The following CYP20A1 variants were observed in gnomAD, a reference collection of about 807,000 sequenced individuals.
CYP20A1 encodes cytochrome P450 family 20 subfamily A member 1.
CYP20A1 carries 61 observed loss-of-function variants against 61.4 expected under a neutral mutation model. The observed-to-expected ratio is 0.99, with a 90% CI of 0.81 to 1.23. CYP20A1 has a LOEUF of 1.23. Among genes scored for constraint, CYP20A1 ranks in the 50% most tolerant of loss-of-function variants. The pLI is 0.00. For synonymous variants in CYP20A1, 193 were observed against 188.2 expected (o/e 1.03, Z -0.21); for missense variants, 530 against 542.4 (o/e 0.98, Z 0.23).
At chr2:203,268,008 A>G (rs2067401680) in intron 5 of CYP20A1, among the ~76,000 whole-genome samples, 2 of 152,158 alleles carry the variant, frequency 1.3e-5, no homozygotes, top group Admixed American at 6.5e-5. Flanking sequence ...AGTTAATACA[A>G]GGAACTCCCT....
In CYP20A1 at chr2:203,299,501, G is replaced by C. The variant is rs747129425; in HGVS notation, c.*2593G>C. Among the ~76,000 whole-genome samples the C allele has an allele frequency of 2.0e-5, 3 of 151,878 alleles. No individual in the cohort carries two copies. Among genetic ancestry groups the C allele is most frequent in the African/African-American group, 4.8e-5 (2 of 41,316 alleles). On this transcript the variant is annotated 3_prime_UTR_variant, in exon 13 of 13. Transcript: ENST00000356079. The stretch of plus-strand genomic sequence containing the variant: ...GTAAATACCTAACATTTTAGACCTA[G>C]TCATTACCAGTTAACATAGAATTTA...
At chr2:203,246,703 TCA>T in intron 2 of CYP20A1, 50 bp from the exon 3 acceptor site, 1 of 1,565,168 alleles carries the variant, frequency 6.4e-7, no homozygotes, top group South Asian at 1.2e-5. Flanking sequence ...GTTGTTTTTC[TCA>T]TTTTTCCAAA....
chr2:203,296,930 T>C lies in CYP20A1; in HGVS notation c.*22T>C, dbSNP rs755203908. Reference sequence around the variant, plus strand: ...TTAAAATTTTATACATTTAAAATCATTGTTAAATTGATTGAGGAAAACAAC... The same window carrying C: ...TTAAAATTTTATACATTTAAAATCACTGTTAAATTGATTGAGGAAAACAAC... On this transcript the variant is annotated 3_prime_UTR_variant, in exon 13 of 13. Transcript: ENST00000356079. 2 of 1,355,202 alleles carry C rather than the reference T, an allele frequency of 1.5e-6. No homozygotes were observed. Among genetic ancestry groups the C allele is most frequent in the South Asian group, 1.3e-5 (1 of 74,514 alleles). 83.9% of individuals were successfully genotyped at this position (1,355,202 alleles called of 1,614,324 possible). A position where few individuals can be genotyped will look rare whatever the true frequency, so the allele number is the denominator to read the frequency against.
In CYP20A1 at chr2:203,292,252, T is replaced by G; in HGVS notation, c.1084-10T>G. The G allele has an allele frequency of 1.2e-6, 2 of 1,606,964 alleles. No individual in the cohort carries two copies. Among genetic ancestry groups the G allele is most frequent in the Non-Finnish European group, 1.7e-6 (2 of 1,176,296 alleles). On this transcript the variant is annotated splice_polypyrimidine_tract_variant and intron_variant, in intron 10 of 12. Coordinates refer to ENST00000356079, the MANE Select transcript of CYP20A1 (RefSeq NM_177538.3). ...TAGTCCTTGACTAATTGGATTTTTT[T>G]TTTTCACAGACCCTCGTCCTTTATG...
intron 8 of CYP20A1, among the ~76,000 whole-genome samples, chr2:203,282,322 G>T (rs2068076863): frequency 6.6e-6 from 1 of 151,978 alleles, no homozygotes; most frequent in African/African-American, 2.4e-5. Context: ...ACCACGTCCT[G>T]CCTTATTCAA....
At chr2:203,269,525 G>A (rs187776174) in intron 5 of CYP20A1, among the ~76,000 whole-genome samples, 13 of 140,612 alleles carry the variant, frequency 9.2e-5, no homozygotes, top group East Asian at 2.1e-4. Flanking sequence ...ACGGAGTTTC[G>A]CTCTTATCGC....
intron 8 of CYP20A1, 61 bp from the exon 9 acceptor site, chr2:203,285,551 A>G: frequency 6.9e-7 from 1 of 1,438,934 alleles, no homozygotes; most frequent in Non-Finnish European, 9.1e-7. Context: ...TTTTTTTCTT[A>G]TTCTATACCC....
intron 3 of CYP20A1, 49 bp downstream of exon 3, chr2:203,246,970 G>C (rs2066482314): frequency 6.3e-7 from 1 of 1,583,514 alleles, no homozygotes; most frequent in Non-Finnish European, 8.6e-7. Flanking sequence ...TTTTAAGAAT[G>C]AATGTTTAGG....
At chr2:203,262,412 C>T (rs2067169799) in intron 4 of CYP20A1, among the ~76,000 whole-genome samples, 1 of 152,118 alleles carries the variant, frequency 6.6e-6, no homozygotes, top group Non-Finnish European at 1.5e-5. Flanking sequence ...CGGGGCAATA[C>T]ATTTGTAACT....
intron 4 of CYP20A1, among the ~76,000 whole-genome samples, chr2:203,260,978 C>G (rs899156950): frequency 1.3e-5 from 2 of 150,758 alleles, no homozygotes; most frequent in Admixed American, 1.3e-4. Flanking sequence ...TTCTTTTTTT[C>G]TCTTTTTTCT....
rs995208188 is a variant in CYP20A1, at chr2:203,300,271, T to C, written c.*3363T>C. On this transcript the variant is annotated 3_prime_UTR_variant, in exon 13 of 13. Transcript: ENST00000356079. ...CCATAGTTACATGACTAACAAATGA[T>C]TAAAAAGAAGTTATTCTCTAGATAA... 4.6e-5 allele frequency among the ~76,000 whole-genome samples: 7 copies of C among 152,168 alleles called. No individual in the cohort carries two copies. The highest frequency in any genetic ancestry group is 4.6e-4 in the Admixed American group (7 of 15,274).
chr2:203,269,416 A>G (rs2067468243), intron 5 of CYP20A1, among the ~76,000 whole-genome samples: 1 of 151,464 alleles, frequency 6.6e-6, no homozygotes, highest in African/African-American at 2.4e-5. Context: ...TGGATGATAG[A>G]GTGAGACCCT....
chr2:203,289,780 G>A lies in CYP20A1; in HGVS notation c.987G>A (p.Val329=), dbSNP rs754309321. The change falls in exon 10 of 13, where the codon GTG becomes GTA. Residue 329 remains valine, a synonymous_variant. Transcript: ENST00000356079. The part of the protein sequence containing the change: ...KIEQLRYCQH[V]LCETVRTAKL... ...TTTAAAACAGATATTGTCAGCATGT[G>A]CTTTGTGAAACTGTTCGAACTGCCA... 5.1e-6 allele frequency: 8 copies of A among 1,563,148 alleles called. No homozygotes were observed. The South Asian group carries it at 9.8e-5, about 19-fold the overall frequency.
At chr2:203,256,554 T>A (rs2066900348) in intron 4 of CYP20A1, among the ~76,000 whole-genome samples, 1 of 151,994 alleles carries the variant, frequency 6.6e-6, no homozygotes, top group Non-Finnish European at 1.5e-5. Context: ...AGGCAGGGTT[T>A]CGCCATGTTA....
chr2:203,300,590 G>A lies in CYP20A1; in HGVS notation c.*3682G>A, dbSNP rs2068979340. Among the ~76,000 whole-genome samples, 1 of 152,072 alleles carries A rather than the reference G, an allele frequency of 6.6e-6. No homozygotes were observed. Among genetic ancestry groups the A allele is most frequent in the South Asian group, 2.1e-4 (1 of 4,826 alleles). On this transcript the variant is annotated 3_prime_UTR_variant, in exon 13 of 13. Transcript: ENST00000356079. ...CTTTTTGATAGTTCAGAAGTGTATT[G>A]TTAAAAAACATAAGCATGGCCGGGC... is the stretch of plus-strand genomic sequence containing the variant.
chr2:203,255,789 T>C (rs1357413890), intron 4 of CYP20A1, among the ~76,000 whole-genome samples: 1 of 152,192 alleles, frequency 6.6e-6, no homozygotes, highest in Admixed American at 6.5e-5. Context: ...AGATGTACCC[T>C]GTTCCCTCCT....
chr2:203,264,117 G>A (rs2067241008), intron 4 of CYP20A1, among the ~76,000 whole-genome samples: 1 of 151,990 alleles, frequency 6.6e-6, no homozygotes, highest in Non-Finnish European at 1.5e-5. Context: ...ATCCTCCCAA[G>A]TAGCTGGTAC....
chr2:203,295,336 A>G (rs886113074), intron 11 of CYP20A1, among the ~76,000 whole-genome samples: 1 of 152,044 alleles, frequency 6.6e-6, no homozygotes, highest in African/African-American at 2.4e-5. Context: ...TGGCGTCACA[A>G]AGTGCTAGGA....
At chr2:203,291,593 G>C (rs1161070345) in intron 10 of CYP20A1, among the ~76,000 whole-genome samples, 6 of 150,886 alleles carry the variant, frequency 4.0e-5, no homozygotes, top group Non-Finnish European at 8.9e-5. Context: ...ATATATATTT[G>C]TATATTATAC....
Sources: allele counts gnomAD v4.1 joint callset (sites outside exome capture counted in the v4.1 genomes callset), GRCh38; gene constraint gnomAD v4.1.1; transcripts MANE v1.5; gene names NCBI Gene and HGNC (gene_info 2026-07-23, HGNC 2026-07-21).